The following ACTL8 variants were observed in gnomAD, a reference collection of about 807,000 sequenced individuals.
ACTL8 encodes actin-like protein 8.
Under a neutral mutation model 9.3 loss-of-function variants are expected in ACTL8, and 3 were observed. The observed-to-expected ratio is 0.32, with a 90% CI of 0.15 to 0.83. The LOEUF is 0.83. ACTL8 is among the 40% of genes least tolerant of loss of function. ACTL8 has a pLI of 0.57. For missense variants in ACTL8, 381 were observed against 492.2 expected, an observed-to-expected ratio of 0.77 and a Z score of 2.14; for synonymous variants, 224 against 205.9, an observed-to-expected ratio of 1.09 and a Z score of -0.75.
Position 17,825,987 on chromosome 1 carries a change from A to G in ACTL8, c.569A>G (p.Lys190Arg), listed in dbSNP as rs765321736. The change falls in exon 3 of 3, where the codon AAG becomes AGG. Residue 190 changes from lysine to arginine, a missense_variant. By Grantham distance (26) the Lys-to-Arg change is conservative. Transcript: ENST00000375406. Reference protein sequence around the residue: ...LSAYLLKSLFKEDCDRRCLFQ... With the variant: ...LSAYLLKSLFREDCDRRCLFQ... ...GCCTATCTCCTCAAGAGTCTCTTTAAGGAAGATTGCGATAGACGCTGCCTG... is the reference window on the plus strand; with the variant it reads ...GCCTATCTCCTCAAGAGTCTCTTTAGGGAAGATTGCGATAGACGCTGCCTG... 1.6e-5 allele frequency: 25 copies of G among 1,608,894 alleles called. No homozygotes were observed. The highest frequency in any genetic ancestry group is 2.0e-5 in the Non-Finnish European group (24 of 1,180,002).
At chr1:17,796,250 G>C (rs1384685877) in intron 1 of ACTL8, among the ~76,000 whole-genome samples, 5 of 152,096 alleles carry the variant, frequency 3.3e-5, no homozygotes, top group African/African-American at 4.8e-5. Flanking sequence ...GTGGTTTTGG[G>C]TGGGGTGGGC....
intron 1 of ACTL8, among the ~76,000 whole-genome samples, chr1:17,769,602 G>A (rs544113256): frequency 6.6e-6 from 1 of 152,226 alleles, no homozygotes; most frequent in East Asian, 1.9e-4. Context: ...GGTGGTGATC[G>A]TGGCAGGGTG....
intron 1 of ACTL8, among the ~76,000 whole-genome samples, chr1:17,770,470 T>C (rs2066075488): frequency 6.6e-6 from 1 of 152,236 alleles, no homozygotes; most frequent in Non-Finnish European, 1.5e-5. Context: ...GGCTAAGAGC[T>C]ACCGACTTTA....
intron 1 of ACTL8, among the ~76,000 whole-genome samples, chr1:17,790,495 C>A (rs776216231): frequency 6.6e-6 from 1 of 152,202 alleles, no homozygotes; most frequent in Non-Finnish European, 1.5e-5. Flanking sequence ...GTGGGTAACT[C>A]CTCTCTGCAG....
At chr1:17,824,110 CAGCAGCAAG>C (rs145651637) in intron 2 of ACTL8, among the ~76,000 whole-genome samples, 7,029 of 152,222 alleles carry the variant, frequency 0.046, 207 homozygotes, top group Middle Eastern at 0.095. Context: ...GAGGTGATTT[CAGCAGCAAG>C]AGCGGCAAGA....
chr1:17,795,800 A>C (rs2102689883), intron 1 of ACTL8, among the ~76,000 whole-genome samples: 1 of 152,238 alleles, frequency 6.6e-6, no homozygotes, highest in African/African-American at 2.4e-5. Flanking sequence ...ACCTTCCCCG[A>C]GTTCGAGGTG....
chr1:17,783,873 A>G (rs2066175550), intron 1 of ACTL8, among the ~76,000 whole-genome samples: 2 of 152,228 alleles, frequency 1.3e-5, no homozygotes, highest in African/African-American at 4.8e-5. Flanking sequence ...TTGAATTGTT[A>G]GTAGCTTGGA....
At chr1:17,825,633 C>T (rs2053708683) in intron 2 of ACTL8, 134 bp from the exon 3 acceptor site, 1 of 1,184,954 alleles carries the variant, frequency 8.4e-7, no homozygotes, top group Non-Finnish European at 1.2e-6. Flanking sequence ...ACTGCATAAG[C>T]TCCAGGGGCC....
At chr1:17,785,623 T>G (rs1445708315) in intron 1 of ACTL8, among the ~76,000 whole-genome samples, 2 of 152,222 alleles carry the variant, frequency 1.3e-5, no homozygotes, top group Non-Finnish European at 2.9e-5. Flanking sequence ...TGTAGGGTCC[T>G]TTGCCCTAAC....
At chr1:17,800,514 G>T (rs932722337) in intron 1 of ACTL8, among the ~76,000 whole-genome samples, 1 of 150,644 alleles carries the variant, frequency 6.6e-6, no homozygotes. Flanking sequence ...TTGCCCTACT[G>T]CCCTTGCCGG....
At chr1:17,821,275 A>C (rs1194054599) in intron 1 of ACTL8, among the ~76,000 whole-genome samples, 1 of 152,200 alleles carries the variant, frequency 6.6e-6, no homozygotes, top group Non-Finnish European at 1.5e-5. Flanking sequence ...AAAAGTTCCT[A>C]AATGTGATGA....
At chr1:17,788,827 A>C (rs2066217766) in intron 1 of ACTL8, among the ~76,000 whole-genome samples, 1 of 152,180 alleles carries the variant, frequency 6.6e-6, no homozygotes, top group Admixed American at 6.5e-5. Flanking sequence ...TGTTGGGGAG[A>C]GGAGAGTTGG....
At chr1:17,764,583 C>A (rs745728950) in intron 1 of ACTL8, among the ~76,000 whole-genome samples, 54 of 152,166 alleles carry the variant, frequency 3.5e-4, no homozygotes, top group Middle Eastern at 3.4e-3. Context: ...GGCACCCCCC[C>A]ACAGCATCTC....
rs566396933 is a variant in ACTL8 at position 17,799,020 on chromosome 1, C to G, written c.-24-23965C>G. On this transcript the variant is annotated intron_variant, in intron 1 of 2. Transcript: ENST00000375406. ...CACGGATGCATTCCTGGCTCAGCCT[C>G]TCCCTAAGCGATGCCCACTTTGGTC... is the stretch of plus-strand genomic sequence containing the variant. Among the ~76,000 whole-genome samples, 22 of 152,368 alleles carry G rather than the reference C, an allele frequency of 1.4e-4. No individual in the cohort carries two copies. In the South Asian group the frequency reaches 3.9e-3, roughly 27 times the overall value.
At chr1:17,756,226 G>A (rs528454559) in intron 1 of ACTL8, among the ~76,000 whole-genome samples, 1 of 152,064 alleles carries the variant, frequency 6.6e-6, no homozygotes, top group African/African-American at 2.4e-5. Flanking sequence ...GGGGGCCTCA[G>A]CCCTGGGGGC....
At chr1:17,776,074 A>G (rs2066116582) in intron 1 of ACTL8, among the ~76,000 whole-genome samples, 1 of 152,220 alleles carries the variant, frequency 6.6e-6, no homozygotes. Flanking sequence ...TGATGGGGAC[A>G]GGATTTGTCC....
intron 1 of ACTL8, among the ~76,000 whole-genome samples, chr1:17,805,870 T>C (rs983313700): frequency 1.3e-5 from 2 of 152,206 alleles, no homozygotes; most frequent in Non-Finnish European, 2.9e-5. Flanking sequence ...TGCCTCTTCC[T>C]AACAGCCCAC....
intron 1 of ACTL8, among the ~76,000 whole-genome samples, chr1:17,762,819 C>G (rs1408124605): frequency 1.3e-5 from 2 of 152,114 alleles, no homozygotes; most frequent in African/African-American, 4.8e-5. Flanking sequence ...CCCCAGGTGG[C>G]AGTGGAGGGG....
chr1:17,775,519 C>T (rs182061022), intron 1 of ACTL8, among the ~76,000 whole-genome samples: 63 of 152,298 alleles, frequency 4.1e-4, no homozygotes, highest in African/African-American at 1.5e-3. Flanking sequence ...GCATTAGAAG[C>T]TCAGGCAGAC....
Sources: allele counts gnomAD v4.1 joint callset (sites outside exome capture counted in the v4.1 genomes callset), GRCh38; gene constraint gnomAD v4.1.1; transcripts MANE v1.5; gene names NCBI Gene and HGNC (gene_info 2026-07-23, HGNC 2026-07-21).